Variants in CFAP20DC observed in about 807,000 individuals in gnomAD.
CFAP20DC encodes CFAP20 domain containing.
In CFAP20DC, 84 loss-of-function variants were observed where a neutral mutation model predicts 101.7. The ratio of observed to expected loss-of-function variants is 0.83; its 90% CI spans 0.69 to 0.99. CFAP20DC has a LOEUF of 0.99. Among genes scored for constraint, CFAP20DC ranks in the 50% least tolerant of loss-of-function variants. CFAP20DC has a pLI of 0.00. For missense variants in CFAP20DC, 1,007 were observed against 970.3 expected, an observed-to-expected ratio of 1.04 and a Z score of -0.50; for synonymous variants, 359 against 351.2, an observed-to-expected ratio of 1.02 and a Z score of -0.25.
intron 4 of CFAP20DC, among the ~76,000 whole-genome samples, chr3:58,986,004 G>T (rs781531455): frequency 5.9e-5 from 9 of 152,172 alleles, no homozygotes; most frequent in Non-Finnish European, 1.2e-4. Flanking sequence ...AGTTCAGCCT[G>T]TAAGCTATAA....
intron 14 of CFAP20DC, 80 bp downstream of exon 14, chr3:58,831,606 C>T (rs1447947898): frequency 6.3e-6 from 8 of 1,267,256 alleles, no homozygotes; most frequent in Admixed American, 1.9e-5. Context: ...CCTGGCTTTT[C>T]CAGGCAAAGC....
chr3:58,819,616 C>G (rs1417508101), intron 14 of CFAP20DC, among the ~76,000 whole-genome samples: 2 of 148,706 alleles, frequency 1.3e-5, no homozygotes, highest in Admixed American at 1.3e-4. Context: ...TCTGAATAGA[C>G]CAATAACAGG....
At chr3:59,037,980 C>A (rs951806553) in intron 4 of CFAP20DC, among the ~76,000 whole-genome samples, 3 of 152,066 alleles carry the variant, frequency 2.0e-5, no homozygotes, top group African/African-American at 7.2e-5. Flanking sequence ...TTTGCAGGGA[C>A]ATGGATGAAG....
chr3:58,810,901 A>G (rs2074564127), intron 14 of CFAP20DC, among the ~76,000 whole-genome samples: 1 of 151,860 alleles, frequency 6.6e-6, no homozygotes, highest in Admixed American at 6.6e-5. Flanking sequence ...GCATTCTTAT[A>G]CACCAATAAC....
At chr3:58,797,123 G>T (rs763919692) in intron 15 of CFAP20DC, among the ~76,000 whole-genome samples, 2 of 152,120 alleles carry the variant, frequency 1.3e-5, no homozygotes, top group Non-Finnish European at 2.9e-5. Context: ...TCACGTGAAA[G>T]GAAGAGTCAC....
rs1389263790 is a variant in CFAP20DC at position 58,788,591 on chromosome 3, T to C, written c.2237+17804A>G. Among the ~76,000 whole-genome samples the C allele has an allele frequency of 6.6e-6, 1 of 152,096 alleles. No homozygotes were observed. The highest frequency in any genetic ancestry group is 1.5e-5 in the Non-Finnish European group (1 of 68,018). Reference sequence around the variant, plus strand: ...GGATGAACACATGGCTAGGCTGGGATTGTAGCAACAGCAATGACTACCACC... The same window carrying C: ...GGATGAACACATGGCTAGGCTGGGACTGTAGCAACAGCAATGACTACCACC... On this transcript the variant is annotated intron_variant, in intron 15 of 16. Transcript: ENST00000482387. The surrounding 1 kb of genome is among the most constrained non-coding windows in gnomAD (Gnocchi z 4.2).
intron 11 of CFAP20DC, among the ~76,000 whole-genome samples, chr3:58,865,288 TA>T: frequency 6.6e-6 from 1 of 152,096 alleles, no homozygotes; most frequent in Admixed American, 6.5e-5. Flanking sequence ...AAAGAACCCA[TA>T]AAAATCTTTA....
chr3:58,776,010 G>C (rs1448801469), intron 15 of CFAP20DC, among the ~76,000 whole-genome samples: 2 of 152,122 alleles, frequency 1.3e-5, no homozygotes, highest in Non-Finnish European at 2.9e-5. Context: ...CTAAAGTGCT[G>C]GGATTACAGG....
intron 15 of CFAP20DC, among the ~76,000 whole-genome samples, chr3:58,761,072 C>T (rs1312807732): frequency 1.3e-5 from 2 of 152,174 alleles, no homozygotes; most frequent in East Asian, 1.9e-4. Flanking sequence ...GGAGGATTCC[C>T]TCTTTTTCTA....
chr3:58,842,308 G>A (rs990091109), intron 13 of CFAP20DC, among the ~76,000 whole-genome samples: 1 of 150,978 alleles, frequency 6.6e-6, no homozygotes, highest in African/African-American at 2.4e-5. Context: ...GTGGGTGCGC[G>A]CACCGTGCGC....
chr3:58,747,738 T>C (rs1031529844), intron 16 of CFAP20DC, among the ~76,000 whole-genome samples: 2 of 152,146 alleles, frequency 1.3e-5, no homozygotes, highest in Non-Finnish European at 2.9e-5. Flanking sequence ...TTCTGCTGAG[T>C]ACTGGGTGCT....
rs776741303 is a variant in CFAP20DC, at chr3:58,742,019, A to G, written c.*441T>C. On this transcript the variant is annotated 3_prime_UTR_variant, in exon 17 of 17. Coordinates refer to ENST00000482387, the MANE Select transcript of CFAP20DC (RefSeq NM_001394063.1). ...CAGTTTAAAAGCTATTCTTCTTACCATCATACTTTATTTTTAATACAAATG... is the reference window on the plus strand; with the variant it reads ...CAGTTTAAAAGCTATTCTTCTTACCGTCATACTTTATTTTTAATACAAATG... 2.2e-6 allele frequency: 2 copies of G among 927,734 alleles called. No individual in the cohort carries two copies. Among genetic ancestry groups the G allele is most frequent in the African/African-American group, 1.8e-5 (1 of 56,058 alleles). The allele number at this position is 927,734 out of a possible 1,614,324, so 57.5% of individuals were successfully genotyped here. A position where few individuals can be genotyped will look rare whatever the true frequency, so the allele number is the denominator to read the frequency against.
At chr3:58,800,274 A>C (rs530491296) in intron 15 of CFAP20DC, among the ~76,000 whole-genome samples, 1 of 152,340 alleles carries the variant, frequency 6.6e-6, no homozygotes, top group East Asian at 1.9e-4. Flanking sequence ...GTATTTGCCC[A>C]GGTGAGAGGT....
chr3:58,909,091 C>T (rs2083890275), intron 6 of CFAP20DC, among the ~76,000 whole-genome samples: 1 of 152,056 alleles, frequency 6.6e-6, no homozygotes, highest in Non-Finnish European at 1.5e-5. Context: ...AGGTCTTTAC[C>T]TATTTGCAAG....
chr3:59,008,010 G>C (rs2093478702), intron 4 of CFAP20DC, among the ~76,000 whole-genome samples: 1 of 152,148 alleles, frequency 6.6e-6, no homozygotes. Flanking sequence ...ATTAGAGAAA[G>C]GGTCCTTGTT....
chr3:58,807,442 T>G (rs571219318), intron 14 of CFAP20DC, among the ~76,000 whole-genome samples: 2 of 152,164 alleles, frequency 1.3e-5, no homozygotes, highest in East Asian at 3.9e-4. Flanking sequence ...CCGCTGCGGA[T>G]ACCCAGGCAA....
chr3:58,812,519 C>T (rs1215940862), intron 14 of CFAP20DC, among the ~76,000 whole-genome samples: 2 of 150,378 alleles, frequency 1.3e-5, no homozygotes, highest in Non-Finnish European at 2.9e-5. Flanking sequence ...AACACATGGA[C>T]ACAGGAAGGG....
Position 58,825,538 on chromosome 3 carries a change from A to AACACACACACACAC in CFAP20DC, c.2175+6134_2175+6147dup, listed in dbSNP as rs4020376. ...CTGTTCCTGTTCCTTAAAAAAAGAA[A>AACACACACACACAC]ACACACACACACACACACAACATGG... On this transcript the variant is annotated intron_variant, in intron 14 of 16. Transcript: ENST00000482387. 3.5e-4 allele frequency among the ~76,000 whole-genome samples: 52 copies of AACACACACACACAC among 149,826 alleles called. No homozygotes were observed. The Middle Eastern group carries it at 0.01, about 30-fold the overall frequency.
intron 3 of CFAP20DC, among the ~76,000 whole-genome samples, chr3:59,039,842 G>A (rs1472656104): frequency 6.6e-6 from 1 of 151,888 alleles, no homozygotes; most frequent in Non-Finnish European, 1.5e-5. Flanking sequence ...GTCTTTTAAA[G>A]TTCCATCTGT....
Sources: allele counts gnomAD v4.1 joint callset (sites outside exome capture counted in the v4.1 genomes callset), GRCh38; gene constraint gnomAD v4.1.1; non-coding constraint Gnocchi (gnomAD v3.1); transcripts MANE v1.5; gene names NCBI Gene and HGNC (gene_info 2026-07-23, HGNC 2026-07-21).